ROBO2: variants seen among roughly 807,000 people sequenced by gnomAD.
The protein encoded by ROBO2 is roundabout guidance receptor 2, also known as roundabout homolog 2.
Under a neutral mutation model 160.8 loss-of-function variants are expected in ROBO2, and 53 were observed. The ratio of observed to expected loss-of-function variants is 0.33; its 90% confidence interval spans 0.26 to 0.41. The LOEUF is 0.41. ROBO2 is among the 10% of genes least tolerant of loss of function. The probability of loss-of-function intolerance (pLI) is 1.00; values close to 1 mark genes in which losing one functional copy is unlikely to be tolerated. For synonymous variants in ROBO2, 664 were observed against 611.7 expected (o/e 1.09, Z -1.26); for missense variants, 1,577 against 1,722.4 (o/e 0.92, Z 1.49).
intron 2 of ROBO2, among the ~76,000 whole-genome samples, chr3:76,315,259 A>C (rs960939779): frequency 1.3e-5 from 2 of 152,210 alleles, no homozygotes; most frequent in Non-Finnish European, 2.9e-5. Flanking sequence ...ACTATTGGCA[A>C]CGAAGTATGA....
At chr3:77,027,229 T>C (rs1359088758) in intron 2 of ROBO2, among the ~76,000 whole-genome samples, 1 of 152,162 alleles carries the variant, frequency 6.6e-6, no homozygotes. Flanking sequence ...CATATGTCTT[T>C]CTGATGACAA....
At chr3:76,217,375 G>A (rs1019243590) in intron 2 of ROBO2, among the ~76,000 whole-genome samples, 1 of 152,154 alleles carries the variant, frequency 6.6e-6, no homozygotes, top group Admixed American at 6.5e-5. Flanking sequence ...GAATCCAGGA[G>A]CTGGCGTTTT....
intron 2 of ROBO2, among the ~76,000 whole-genome samples, chr3:76,292,100 G>A (rs1006000960): frequency 1.3e-5 from 2 of 151,982 alleles, no homozygotes; most frequent in African/African-American, 2.4e-5. Flanking sequence ...TAATGTCGTC[G>A]GTAGATTATT....
In ROBO2 at chr3:76,518,374, A is replaced by G. The variant is rs940372087; in HGVS notation, c.110-579640A>G. Among the ~76,000 whole-genome samples the G allele has an allele frequency of 2.0e-5, 3 of 152,096 alleles. No homozygotes were observed. In the South Asian group the frequency reaches 6.2e-4, roughly 32 times the overall value. The stretch of plus-strand genomic sequence containing the variant: ...GGGGGTACCTGAGATGTTTTGATAC[A>G]GGCGTGCCATGTAAAATAATCACAT... On this transcript the variant is annotated intron_variant, in intron 2 of 26. Transcript: ENST00000487694.
chr3:76,216,079 G>T (rs906824256), intron 2 of ROBO2, among the ~76,000 whole-genome samples: 1 of 152,110 alleles, frequency 6.6e-6, no homozygotes, highest in African/African-American at 2.4e-5. Context: ...AAGTGAAGGA[G>T]AAATAAAATA....
chr3:77,480,996 A>C (rs1000585873), intron 3 of ROBO2, 103 bp from the exon 4 acceptor site: 1 of 1,078,530 alleles, frequency 9.3e-7, no homozygotes. Context: ...TTCCTTTGGG[A>C]AACAAATATG....
chr3:77,524,570 T>C (rs575853709), intron 6 of ROBO2, among the ~76,000 whole-genome samples: 1 of 151,504 alleles, frequency 6.6e-6, no homozygotes, highest in African/African-American at 2.4e-5. Context: ...TGAGGAGTTG[T>C]TTGTTTGTAG....
Position 76,863,690 on chromosome 3 carries a change from G to A in ROBO2, c.110-234324G>A, listed in dbSNP as rs141370261. On this transcript the variant is annotated intron_variant, in intron 2 of 26. Transcript: ENST00000487694. Reference sequence around the variant, plus strand: ...TTAGCACGGATATGCCAAAGGAGTAGGTTCTTAATAAATGTTTACTGAATT... The same window carrying A: ...TTAGCACGGATATGCCAAAGGAGTAAGTTCTTAATAAATGTTTACTGAATT... 3.4e-4 allele frequency among the ~76,000 whole-genome samples: 52 copies of A among 152,014 alleles called. No individual in the cohort carries two copies. The East Asian group carries it at 9.3e-3, about 27-fold the overall frequency.
At chr3:77,112,149 G>A (rs1157933822) in intron 2 of ROBO2, among the ~76,000 whole-genome samples, 3 of 143,216 alleles carry the variant, frequency 2.1e-5, no homozygotes, top group Non-Finnish European at 4.5e-5. Flanking sequence ...CCGAGATCGC[G>A]CCGCCGTCGC....
intron 2 of ROBO2, among the ~76,000 whole-genome samples, chr3:77,228,062 T>C (rs915807217): frequency 2.0e-5 from 3 of 152,200 alleles, no homozygotes; most frequent in African/African-American, 7.2e-5. Flanking sequence ...GAGACTGATA[T>C]AATTGATCAA....
At chr3:77,574,699 T>C in exon 14 of ROBO2, 3 of 1,613,198 alleles carry the variant, frequency 1.9e-6, no homozygotes, top group Non-Finnish European at 2.5e-6. Context: ...GAATGGATAG[T>C]GAATCTAAAA....
At chr3:76,680,458 C>A (rs1449313789) in intron 2 of ROBO2, among the ~76,000 whole-genome samples, 1 of 151,088 alleles carries the variant, frequency 6.6e-6, no homozygotes, top group Non-Finnish European at 1.5e-5. Flanking sequence ...TTTTTTAACT[C>A]CTAACATTGC....
At chr3:76,096,598 A>G (rs934858168) in intron 2 of ROBO2, among the ~76,000 whole-genome samples, 14 of 152,308 alleles carry the variant, frequency 9.2e-5, no homozygotes, top group African/African-American at 3.4e-4. Flanking sequence ...CTGAATTTCT[A>G]TAGATTATGA....
chr3:76,592,786 G>C (rs2086497639), intron 2 of ROBO2, among the ~76,000 whole-genome samples: 1 of 152,078 alleles, frequency 6.6e-6, no homozygotes, highest in Admixed American at 6.6e-5. Flanking sequence ...CTCTGGGAAA[G>C]AATCTGCTTC....
chr3:76,400,827 G>A (rs2077770324), intron 2 of ROBO2, among the ~76,000 whole-genome samples: 1 of 151,394 alleles, frequency 6.6e-6, no homozygotes, highest in African/African-American at 2.4e-5. Context: ...AGACCATTCA[G>A]TGTTCTCTCT....
intron 2 of ROBO2, among the ~76,000 whole-genome samples, chr3:76,578,334 T>A (rs1242943113): frequency 2.6e-5 from 4 of 152,124 alleles, no homozygotes; most frequent in African/African-American, 9.7e-5. Flanking sequence ...AGTTCCACAT[T>A]ACTCTCCTGT....
At chr3:77,292,722 A>G (rs912409385) in intron 2 of ROBO2, among the ~76,000 whole-genome samples, 2 of 98,356 alleles carry the variant, frequency 2.0e-5, no homozygotes, top group Non-Finnish European at 5.6e-5. Context: ...ATAAAGTAAA[A>G]TTGATGGTTA....
At chr3:77,623,368 C>T (rs569084805) in intron 23 of ROBO2, among the ~76,000 whole-genome samples, 6 of 152,192 alleles carry the variant, frequency 3.9e-5, no homozygotes, top group Admixed American at 1.3e-4. Flanking sequence ...TATTTTACCA[C>T]AATCCCGCTT....
At chr3:77,223,530 A>G (rs1344156902) in intron 2 of ROBO2, among the ~76,000 whole-genome samples, 1 of 152,016 alleles carries the variant, frequency 6.6e-6, no homozygotes, top group Non-Finnish European at 1.5e-5. Context: ...ATATTCACCT[A>G]CTCTGTTCCA....
Sources: gnomAD v4.1 joint callset for allele counts (sites outside exome capture counted in the v4.1 genomes callset) on GRCh38, gnomAD v4.1.1 for gene constraint, MANE v1.5 for transcripts, NCBI Gene and HGNC (gene_info 2026-07-23, HGNC 2026-07-21) for gene names.